ZNF74: variants seen among roughly 807,000 people sequenced by gnomAD.
The protein encoded by ZNF74 is zinc finger protein 74.
A neutral mutation model predicts 17.7 loss-of-function variants in ZNF74; 12 were observed. The observed-to-expected ratio is 0.68, with a 90% CI of 0.43 to 1.10. The LOEUF (loss-of-function observed/expected upper bound fraction) is 1.10. Among genes scored for constraint, ZNF74 ranks in the 50% least tolerant of loss-of-function variants. The pLI is 0.00. For synonymous variants in ZNF74, 358 were observed against 362.1 expected, an observed-to-expected ratio of 0.99 and a Z score of 0.13; for missense variants, 811 against 881.0, an observed-to-expected ratio of 0.92 and a Z score of 1.01.
intron 2 of ZNF74, among the ~76,000 whole-genome samples, chr22:20,396,390 G>A (rs2052294433): frequency 6.6e-6 from 1 of 152,000 alleles, no homozygotes; most frequent in Non-Finnish European, 1.5e-5. Context: ...AGGGCAGTTT[G>A]GGACAAGAGG....
At chr22:20,404,959 A>AAAAC (rs2052396872) in intron 4 of ZNF74, among the ~76,000 whole-genome samples, 1 of 152,244 alleles carries the variant, frequency 6.6e-6, no homozygotes, top group Admixed American at 6.5e-5. Flanking sequence ...AAACAAACAA[A>AAAAC]AAACATGTAT....
In ZNF74 at chr22:20,401,493, G is replaced by A. The variant is rs140055619; in HGVS notation, c.343+121G>A. On this transcript the variant is annotated intron_variant, in intron 4 of 4. Transcript: ENST00000400451. The surrounding 1 kb of genome is among the most constrained non-coding windows in gnomAD (Gnocchi z 4.2). The stretch of plus-strand genomic sequence containing the variant: ...TCCATCTCCCCTTTTCAGGTCCCCC[G>A]CCAGACCCTCCTGCCTGCCTCCCTT... The A allele has an allele frequency of 3.3e-4, 219 of 672,862 alleles. 2 individuals are homozygous for A. The highest frequency in any genetic ancestry group is 1.4e-3 in the South Asian group (80 of 55,744). 41.7% of individuals were successfully genotyped at this position (672,862 alleles called of 1,614,324 possible).
chr22:20,394,395 C>T lies in ZNF74; in HGVS notation c.-234C>T, dbSNP rs2052267402. The T allele has an allele frequency of 1.1e-5, 7 of 662,638 alleles. No individual in the cohort carries two copies. In the South Asian group the frequency reaches 1.1e-4, roughly 11 times the overall value. 41.0% of individuals were successfully genotyped at this position (662,638 alleles called of 1,614,324 possible). A position where few individuals can be genotyped will look rare whatever the true frequency, so the allele number is the denominator to read the frequency against. On this transcript the variant is annotated 5_prime_UTR_variant, in exon 1 of 5. Coordinates refer to ENST00000400451, the MANE Select transcript of ZNF74 (RefSeq NM_003426.4). Reference sequence around the variant, plus strand: ...GGGCGTGAGTGCGCCGAGCATGGGGCTGAGCCTGGTGTGGGGAGTGGGTAT... The same window carrying T: ...GGGCGTGAGTGCGCCGAGCATGGGGTTGAGCCTGGTGTGGGGAGTGGGTAT...
rs1190798472 is a variant in ZNF74, at chr22:20,408,250, T to C, written c.*1282T>C. 6.6e-6 allele frequency: 1 copy of C among 152,232 alleles called. No individual in the cohort carries two copies. Among genetic ancestry groups the C allele is most frequent in the African/African-American group, 2.4e-5 (1 of 41,464 alleles). The allele number at this position is 152,232 out of a possible 1,614,324, so 9.4% of individuals were successfully genotyped here. On this transcript the variant is annotated 3_prime_UTR_variant, in exon 5 of 5. Transcript: ENST00000400451. ...CAGAGACAGGAAGACAGAGTTAATC[T>C]TGAATGAATGTTATTTCTACTTAGT...
chr22:20,394,708 G>A (rs1346741218), intron 1 of ZNF74, 46 bp downstream of exon 1: 30 of 1,595,716 alleles, frequency 1.9e-5, no homozygotes, highest in Non-Finnish European at 2.6e-5. Flanking sequence ...ATTTGCACTT[G>A]AGGATATTGA....
intron 1 of ZNF74, 97 bp downstream of exon 1, chr22:20,394,759 A>ATT: frequency 8.5e-7 from 1 of 1,178,010 alleles, no homozygotes; most frequent in Non-Finnish European, 1.2e-6. Context: ...AGCATCCAGC[A>ATT]TCTTTTTTTT....
rs766167878 is a variant in ZNF74 at position 20,401,395 on chromosome 22, G to A, written c.343+23G>A. The A allele has an allele frequency of 6.6e-7, 1 of 1,512,646 alleles. No individual in the cohort carries two copies. The highest frequency in any genetic ancestry group is 1.2e-5 in the South Asian group (1 of 85,192). The allele number at this position is 1,512,646 out of a possible 1,614,324, so 93.7% of individuals were successfully genotyped here. On this transcript the variant is annotated intron_variant, in intron 4 of 4. Transcript: ENST00000400451. The surrounding 1 kb of genome is among the most constrained non-coding windows in gnomAD (Gnocchi z 4.2). ...CAGGTGAGCAGAGGCACAGGTGGAA[G>A]GGTGCCAGCCCCAGCACCCCTGGTG...
intron 4 of ZNF74, among the ~76,000 whole-genome samples, chr22:20,405,171 C>T (rs1164114256): frequency 3.9e-5 from 6 of 152,188 alleles, no homozygotes; most frequent in African/African-American, 1.4e-4. Flanking sequence ...TAGCTCCTTC[C>T]GTGTTCTTCC....
In ZNF74 at chr22:20,406,334, A is replaced by T; in HGVS notation, c.1301A>T (p.His434Leu). The change falls in exon 5 of 5, where the codon CAC becomes CTC. Residue 434 changes from histidine (H) to leucine (L), a missense_variant. Physicochemically the swap from His to Leu is moderately conservative, Grantham distance 99. This residue lies in a region of ZNF74 where 666 missense variants were observed against 702.3 expected (regional missense o/e 0.95). Coordinates refer to ENST00000400451, the MANE Select transcript of ZNF74 (RefSeq NM_003426.4). The stretch of plus-strand genomic sequence containing the variant: ...AACAGCCGCTCGCGCCTCACCCTCC[A>T]CCAGAGGACGCACACGGGCGAGAAG... ...AFNSRSRLTL[H>L]QRTHTGEKPF... The T allele has an allele frequency of 6.2e-7, 1 of 1,612,576 alleles. No homozygotes were observed. Among genetic ancestry groups the T allele is most frequent in the Non-Finnish European group, 8.5e-7 (1 of 1,179,868 alleles).
intron 2 of ZNF74, among the ~76,000 whole-genome samples, chr22:20,396,584 C>T (rs937164825): frequency 6.6e-6 from 1 of 151,848 alleles, no homozygotes; most frequent in Non-Finnish European, 1.5e-5. Flanking sequence ...AATGTGTGTG[C>T]ATGTATGTAT....
Position 20,404,583 on chromosome 22 carries a change from G to A in ZNF74, c.344-794G>A, listed in dbSNP as rs545809942. 6.0e-4 allele frequency among the ~76,000 whole-genome samples: 92 copies of A among 152,286 alleles called. 1 individual carries two copies. Among genetic ancestry groups the A allele is most frequent in the African/African-American group, 2.1e-3 (87 of 41,540 alleles). ...TGATCCGCCACCTTGACCTCCCAAAGTGCTGGGATTACAGGTATGAGCCAC... is the reference window on the plus strand; with the variant it reads ...TGATCCGCCACCTTGACCTCCCAAAATGCTGGGATTACAGGTATGAGCCAC... On this transcript the variant is annotated intron_variant, in intron 4 of 4. Transcript: ENST00000400451.
intron 4 of ZNF74, 43 bp from the exon 5 acceptor site, chr22:20,405,334 G>C (rs529243213): frequency 1.3e-6 from 2 of 1,551,782 alleles, no homozygotes; most frequent in African/African-American, 1.4e-5. Flanking sequence ...TTCTAGGCCA[G>C]GTTTCCGCTT....
In ZNF74 at chr22:20,401,297, G is replaced by A. The variant is rs1192283903; in HGVS notation, c.268G>A (p.Asp90Asn). 6.2e-7 allele frequency: 1 copy of A among 1,611,926 alleles called. No homozygotes were observed. Among genetic ancestry groups the A allele is most frequent in the Non-Finnish European group, 8.5e-7 (1 of 1,179,040 alleles). Residue 90 changes from aspartate to asparagine, a missense_variant, in exon 4 of 5, where the codon GAT becomes AAT. Physicochemically the swap from Asp to Asn is conservative, Grantham distance 23. Transcript: ENST00000400451. This position sits in a 1 kb window ranked among gnomAD's most constrained non-coding sequence, Gnocchi z 4.2. ...AGCAGGACCTCCACTGCACAAGCCA[G>A]ATGTGATCTCTCATCTGGAACGAGG... ...LALGPPLHKP[D>N]VISHLERGEE...
In ZNF74 at chr22:20,405,650, C is replaced by A; in HGVS notation, c.617C>A (p.Ala206Asp). The A allele has an allele frequency of 6.2e-7, 1 of 1,612,646 alleles. No individual in the cohort carries two copies. Among genetic ancestry groups the A allele is most frequent in the South Asian group, 1.1e-5 (1 of 90,934 alleles). ...CTGGACACACGCAAGAACGTCCAGG[C>A]CACTGAGGGCAGAACCAAGGCCCCC... is the stretch of plus-strand genomic sequence containing the variant. ...PLLDTRKNVQATEGRTKAPAR... is the reference protein window; with the variant it reads ...PLLDTRKNVQDTEGRTKAPAR... Residue 206 changes from alanine to aspartate, a missense_variant, in exon 5 of 5, where the codon GCC (alanine) becomes GAC (aspartate). This residue lies in a region of ZNF74 where 666 missense variants were observed against 702.3 expected (regional missense o/e 0.95). Coordinates refer to ENST00000400451, the MANE Select transcript of ZNF74 (RefSeq NM_003426.4).
chr22:20,394,320 G>T lies in ZNF74; in HGVS notation c.-309G>T, dbSNP rs749863512. 1.4e-6 allele frequency: 1 copy of T among 698,328 alleles called. No individual in the cohort carries two copies. Among genetic ancestry groups the T allele is most frequent in the African/African-American group, 1.8e-5 (1 of 56,438 alleles). 43.3% of individuals were successfully genotyped at this position (698,328 alleles called of 1,614,324 possible). A position where few individuals can be genotyped will look rare whatever the true frequency, so the allele number is the denominator to read the frequency against. On this transcript the variant is annotated 5_prime_UTR_variant, in exon 1 of 5. Transcript: ENST00000400451. The stretch of plus-strand genomic sequence containing the variant: ...GCCGCGGAACCTTAGGCCTGGCCCT[G>T]GTCTCCGAGCGCGGGTTCGCCGGGA...
intron 2 of ZNF74, among the ~76,000 whole-genome samples, chr22:20,397,118 C>G (rs956050700): frequency 1.3e-5 from 2 of 148,840 alleles, no homozygotes; most frequent in African/African-American, 4.9e-5. Context: ...GCTCTGTCGC[C>G]CAGGCTGGAG....
At position 20,406,407 on chromosome 22, in the gene ZNF74, C is replaced by T; in HGVS notation, c.1374C>T (p.Tyr458=). ...GGAAGGGCTTCAGCTGCCACGCGTA[C>T]CTGCTCGTGCACCGGCGCATCCACA... ...DCGKGFSCHA[Y]LLVHRRIHSG... is the part of the protein sequence containing the mutation. Residue 458 remains tyrosine, a synonymous_variant, in exon 5 of 5, where the codon TAC becomes TAT. Transcript: ENST00000400451. The T allele has an allele frequency of 6.2e-7, 1 of 1,613,850 alleles. No individual in the cohort carries two copies. The highest frequency in any genetic ancestry group is 8.5e-7 in the Non-Finnish European group (1 of 1,179,956).
At chr22:20,405,035 C>G (rs373537377) in intron 4 of ZNF74, among the ~76,000 whole-genome samples, 5 of 152,186 alleles carry the variant, frequency 3.3e-5, no homozygotes. Context: ...CCGACGTGTC[C>G]GTGAATGAGT....
At position 20,401,242 on chromosome 22, in the gene ZNF74, G is replaced by A. The variant is rs1167194751; in HGVS notation, c.248-35G>A. The stretch of plus-strand genomic sequence containing the variant: ...TAAGGTCGACTGGGCCTGGAGAGCT[G>A]CAGCATGCCCAGCCCACTTTCTCTC... On this transcript the variant is annotated intron_variant, in intron 3 of 4. Coordinates refer to ENST00000400451, the MANE Select transcript of ZNF74 (RefSeq NM_003426.4). This position sits in a 1 kb window ranked among gnomAD's most constrained non-coding sequence, Gnocchi z 4.2. 6.8e-7 allele frequency: 1 copy of A among 1,481,432 alleles called. No individual in the cohort carries two copies. Among genetic ancestry groups the A allele is most frequent in the Admixed American group, 1.8e-5 (1 of 56,852 alleles). 91.8% of individuals were successfully genotyped at this position (1,481,432 alleles called of 1,614,324 possible).
Sources: allele counts gnomAD v4.1 joint callset (sites outside exome capture counted in the v4.1 genomes callset), GRCh38; gene constraint gnomAD v4.1.1; regional missense constraint gnomAD v4.1.1; non-coding constraint Gnocchi (gnomAD v3.1); transcripts MANE v1.5; gene names NCBI Gene and HGNC (gene_info 2026-07-23, HGNC 2026-07-21).